CACNA1C: variants seen among roughly 807,000 people sequenced by gnomAD.
The protein encoded by CACNA1C is voltage-dependent L-type calcium channel subunit alpha-1C.
CACNA1C carries 30 observed loss-of-function variants against 229.0 expected under a neutral mutation model. The observed-to-expected ratio is 0.13, with a 90% CI of 0.10 to 0.18. The LOEUF (loss-of-function observed/expected upper bound fraction) is 0.18. CACNA1C is among the 10% of genes least tolerant of loss of function. The pLI is 1.00. For missense variants in CACNA1C, 1,658 were observed against 2,845.0 expected (o/e 0.58, Z 9.49); for synonymous variants, 1,114 against 1,132.5 (o/e 0.98, Z 0.33).
In CACNA1C at chr12:2,608,413, A is replaced by T; in HGVS notation, c.3357-98A>T. 1.1e-6 allele frequency: 1 copy of T among 898,996 alleles called. No homozygotes were observed. Among genetic ancestry groups the T allele is most frequent in the Non-Finnish European group, 1.7e-6 (1 of 591,396 alleles). 55.7% of individuals were successfully genotyped at this position (898,996 alleles called of 1,614,324 possible). On this transcript the variant is annotated intron_variant, in intron 26 of 46. Coordinates refer to ENST00000399655, the MANE Select transcript of CACNA1C (RefSeq NM_000719.7). The surrounding 1 kb of genome is among the most constrained non-coding windows in gnomAD (Gnocchi z 4.2). ...ACTCCAGCCCAGAGCTGTCTCCTGC[A>T]CCCTGATCCCTGGGATCCCTGGAGC...
chr12:2,310,730 A>T (rs4765913), intron 3 of CACNA1C, among the ~76,000 whole-genome samples: 125,136 of 152,182 alleles, frequency 0.82, 51,815 homozygotes, highest in East Asian at 0.96. Flanking sequence ...TTCTGTGGGC[A>T]CCAGTTCTCT....
intron 3 of CACNA1C, among the ~76,000 whole-genome samples, chr12:2,203,902 G>A (rs1044217506): frequency 3.3e-5 from 5 of 152,230 alleles, no homozygotes; most frequent in African/African-American, 1.2e-4. Context: ...CAGGTCCCCG[G>A]CACAGGTCTT....
chr12:2,306,298 C>T (rs546538141), intron 3 of CACNA1C, among the ~76,000 whole-genome samples: 5 of 152,366 alleles, frequency 3.3e-5, no homozygotes, highest in African/African-American at 1.2e-4. Flanking sequence ...CACCTTCAGC[C>T]TGTGCGCTCT....
intron 1 of CACNA1C, among the ~76,000 whole-genome samples, chr12:1,989,835 CAGTA>C (rs1223263204): frequency 1.3e-5 from 2 of 152,196 alleles, no homozygotes; most frequent in African/African-American, 4.8e-5. Flanking sequence ...ATGAAAAACA[CAGTA>C]AGTGATTACT....
chr12:2,119,016 G>C (rs1023253600), intron 2 of CACNA1C, among the ~76,000 whole-genome samples: 2 of 152,188 alleles, frequency 1.3e-5, no homozygotes, highest in Non-Finnish European at 2.9e-5. Flanking sequence ...AGAATTCTGT[G>C]ACGCTGGCCC....
At position 2,446,835 on chromosome 12, in the gene CACNA1C, C is replaced by CATGGATGG. The variant is rs1237465762; in HGVS notation, c.478-2137_478-2130dup. ...GGATGAATAGATGGGTGAATGGGTA[C>CATGGATGG]ATGGATGGATGAATGGATGAATTGG... On this transcript the variant is annotated intron_variant, in intron 3 of 46. Coordinates refer to ENST00000399655, the MANE Select transcript of CACNA1C (RefSeq NM_000719.7). 2.1e-5 allele frequency among the ~76,000 whole-genome samples: 3 copies of CATGGATGG among 139,590 alleles called. No individual in the cohort carries two copies. The East Asian group carries it at 6.9e-4, about 32-fold the overall frequency. The allele number at this position is 139,590 out of a possible 152,430, so 91.6% of individuals were successfully genotyped here.
chr12:2,345,873 C>T (rs755469789), intron 3 of CACNA1C, among the ~76,000 whole-genome samples: 11 of 152,118 alleles, frequency 7.2e-5, no homozygotes, highest in African/African-American at 1.9e-4. Flanking sequence ...TGAACTTTTC[C>T]GCTCTTCCTT....
intron 1 of CACNA1C, among the ~76,000 whole-genome samples, chr12:2,036,379 G>A (rs2049142678): frequency 6.6e-6 from 1 of 152,186 alleles, no homozygotes; most frequent in Non-Finnish European, 1.5e-5. Context: ...AGGCTTTGTG[G>A]GTGCTGCCCC....
intron 42 of CACNA1C, chr12:2,682,081 C>A: frequency 5.4e-6 from 7 of 1,300,088 alleles, no homozygotes; most frequent in Non-Finnish European, 7.8e-6. Context: ...GTGCCTTTAC[C>A]CCAGGGTGCC....
chr12:1,993,318 T>C, intron 1 of CACNA1C: 1 of 1,614,146 alleles, frequency 6.2e-7, no homozygotes, highest in Non-Finnish European at 8.5e-7. Flanking sequence ...TCCAAGTCTT[T>C]AGTAATAGGT....
intron 1 of CACNA1C, among the ~76,000 whole-genome samples, chr12:2,023,438 A>C (rs2046802025): frequency 6.6e-6 from 1 of 152,144 alleles, no homozygotes; most frequent in Admixed American, 6.5e-5. Flanking sequence ...TGTCACAGGA[A>C]ATTTATGGGT....
intron 3 of CACNA1C, among the ~76,000 whole-genome samples, chr12:2,220,326 C>G (rs1257215230): frequency 6.6e-6 from 1 of 152,162 alleles, no homozygotes; most frequent in African/African-American, 2.4e-5. Context: ...CCTGTGCATG[C>G]TAACGCATGT....
At chr12:2,450,341 T>C (rs1596580533) in intron 4 of CACNA1C, among the ~76,000 whole-genome samples, 1 of 151,722 alleles carries the variant, frequency 6.6e-6, no homozygotes, top group Non-Finnish European at 1.5e-5. Context: ...GATCACGAGG[T>C]CAGGAGATCG....
chr12:2,448,174 A>G (rs968909977), intron 3 of CACNA1C, among the ~76,000 whole-genome samples: 1 of 152,162 alleles, frequency 6.6e-6, no homozygotes, highest in Non-Finnish European at 1.5e-5. Context: ...CTGGGCTCCC[A>G]GGGATGGGAG....
chr12:2,069,037 TAATAA>T (rs2060339972), intron 1 of CACNA1C, among the ~76,000 whole-genome samples: 1 of 152,200 alleles, frequency 6.6e-6, no homozygotes, highest in South Asian at 2.1e-4. Context: ...GACTTGGCTT[TAATAA>T]AATGAAGGAG....
intron 3 of CACNA1C, among the ~76,000 whole-genome samples, chr12:2,301,400 GCA>G (rs1000346502): frequency 1.3e-5 from 2 of 152,198 alleles, no homozygotes; most frequent in African/African-American, 4.8e-5. Flanking sequence ...CAGCAGTTTA[GCA>G]CAGAGGCAGG....
rs1303735973 is a variant in CACNA1C at position 1,971,944 on chromosome 12, AAAG to A, written c.139+748_139+750del. Among the ~76,000 whole-genome samples the A allele has an allele frequency of 3.9e-5, 6 of 152,252 alleles. No homozygotes were observed. Among genetic ancestry groups the A allele is most frequent in the African/African-American group, 9.6e-5 (4 of 41,466 alleles). On this transcript the variant is annotated intron_variant, in intron 1 of 46. Transcript: ENST00000682462. The surrounding 1 kb of genome is among the most constrained non-coding windows in gnomAD (Gnocchi z 4.2). ...GTGATAATGTTTGTGTAAATTTTTA[AAAG>A]AAGATATATATCCATTCAATTAGGA...
At chr12:2,634,886 C>T (rs556276668) in intron 30 of CACNA1C, among the ~76,000 whole-genome samples, 4 of 152,290 alleles carry the variant, frequency 2.6e-5, no homozygotes, top group East Asian at 1.9e-4. Context: ...CAGCCTACAC[C>T]GTCAGCCATA....
chr12:2,359,268 C>T (rs116506348), intron 3 of CACNA1C, among the ~76,000 whole-genome samples: 1 of 152,152 alleles, frequency 6.6e-6, no homozygotes, highest in African/African-American at 2.4e-5. Flanking sequence ...TGATCTCTAC[C>T]ACGTGAATGG....
Sources: allele counts gnomAD v4.1 joint callset (sites outside exome capture counted in the v4.1 genomes callset), GRCh38; gene constraint gnomAD v4.1.1; non-coding constraint Gnocchi (gnomAD v3.1); transcripts MANE v1.5; gene names NCBI Gene and HGNC (gene_info 2026-07-23, HGNC 2026-07-21).